VPS13C: variants seen among roughly 807,000 people sequenced by gnomAD.
VPS13C encodes the protein vacuolar protein sorting 13 homolog C.
VPS13C carries 358 observed loss-of-function variants against 456.8 expected under a neutral mutation model. The observed-to-expected ratio is 0.78, with a 90% confidence interval of 0.72 to 0.86. VPS13C has a LOEUF of 0.86. Among genes scored for constraint, VPS13C ranks in the 40% least tolerant of loss-of-function variants. The pLI is 0.00. For synonymous variants in VPS13C, 1,578 were observed against 1,486.7 expected, an observed-to-expected ratio of 1.06 and a Z score of -1.41; for missense variants, 4,818 against 4,385.4, an observed-to-expected ratio of 1.10 and a Z score of -2.79.
At position 61,914,632 on chromosome 15, in the gene VPS13C, C is replaced by G. The variant is rs1385848353; in HGVS notation, c.8445+1001G>C. ...TGGAGTGCAATGGTGCAGTGCAGAG[C>G]TGACTGCAACCTCTGCCTCCCGGGT... On this transcript the variant is annotated intron_variant, in intron 61 of 84. Transcript: ENST00000644861. 4.0e-5 allele frequency among the ~76,000 whole-genome samples: 6 copies of G among 151,408 alleles called. 1 individual carries two copies. The highest frequency in any genetic ancestry group is 2.0e-4 in the Admixed American group (3 of 15,242).
chr15:61,878,614 T>G lies in VPS13C; in HGVS notation c.10135A>C (p.Ile3379Leu). The change falls in exon 74 of 85, where the codon ATA becomes CTA. Residue 3379 changes from isoleucine (I) to leucine (L), a missense_variant. Coordinates refer to ENST00000644861, the MANE Select transcript of VPS13C (RefSeq NM_020821.3). ...GATLTDVDDLIFKLAYYEIRY... is the reference protein window; with the variant it reads ...GATLTDVDDLLFKLAYYEIRY... ...CTCTAACAGAAGTCTTACTTGAATA[T>G]AAGGTCATCCACATCAGTCAGAGTA... 6.2e-7 allele frequency: 1 copy of G among 1,608,308 alleles called. No homozygotes were observed.
At chr15:61,900,216 C>T (rs1422857696) in intron 66 of VPS13C, among the ~76,000 whole-genome samples, 1 of 152,072 alleles carries the variant, frequency 6.6e-6, no homozygotes, top group African/African-American at 2.4e-5. Context: ...ACAGGGATGC[C>T]CTCTCTCACC....
chr15:61,977,740 G>A (rs2045746941), intron 23 of VPS13C, among the ~76,000 whole-genome samples: 1 of 151,892 alleles, frequency 6.6e-6, no homozygotes, highest in Admixed American at 6.6e-5. Context: ...AACTAATAGA[G>A]TTCTATGTTT....
Position 61,962,216 on chromosome 15 carries a change from T to G in VPS13C, c.3603+155A>C. Among the ~76,000 whole-genome samples the G allele has an allele frequency of 1.3e-5, 2 of 152,292 alleles. 1 individual carries two copies. Among genetic ancestry groups the G allele is most frequent in the South Asian group, 4.1e-4 (2 of 4,830 alleles). On this transcript the variant is annotated intron_variant, in intron 34 of 84. Transcript: ENST00000644861. ...ATCATTAAATGATTCACTTTTCAACTGTTAAATAGGGGTTTTGATCTCTAC... is the reference window on the plus strand; with the variant it reads ...ATCATTAAATGATTCACTTTTCAACGGTTAAATAGGGGTTTTGATCTCTAC...
In VPS13C at chr15:61,941,998, C is replaced by T. The variant is rs2044443110; in HGVS notation, c.5218G>A (p.Ala1740Thr). 6.2e-7 allele frequency: 1 copy of T among 1,614,014 alleles called. No individual in the cohort carries two copies. Among genetic ancestry groups the T allele is most frequent in the Non-Finnish European group, 8.5e-7 (1 of 1,179,918 alleles). Residue 1740 changes from alanine to threonine, a missense_variant, in exon 46 of 85, where the codon GCT becomes ACT. Coordinates refer to ENST00000644861, the MANE Select transcript of VPS13C (RefSeq NM_020821.3). ...STATVQAAER[A>T]ASSMKDLAQK... The stretch of plus-strand genomic sequence containing the variant: ...GCCAAGTCTTTCATGCTGGAAGCAG[C>T]TCTTTCTGCAGCCTGGACTGTGGCT...
At chr15:61,903,147 G>A (rs747620972) in intron 66 of VPS13C, among the ~76,000 whole-genome samples, 13 of 151,886 alleles carry the variant, frequency 8.6e-5, no homozygotes, top group South Asian at 4.2e-4. Flanking sequence ...GCAACATGGC[G>A]AAACTCCGTC....
intron 33 of VPS13C, 37 bp from the exon 34 acceptor site, chr15:61,962,575 A>G: frequency 6.5e-7 from 1 of 1,542,010 alleles, no homozygotes. Context: ...CTATCCGGGA[A>G]GGTAATGACA....
chr15:61,855,008 T>C, intron 83 of VPS13C, 54 bp from the exon 84 acceptor site: 1 of 1,472,538 alleles, frequency 6.8e-7, no homozygotes, highest in East Asian at 2.3e-5. Context: ...AAGAAAAAAA[T>C]TCCTAACTTT....
At chr15:62,051,812 A>G (rs10468027) in intron 1 of VPS13C, among the ~76,000 whole-genome samples, 83,538 of 152,082 alleles carry the variant, frequency 0.55, 23,254 homozygotes, top group Admixed American at 0.63. Context: ...TGCCACAGGG[A>G]AAAACAGATG....
At chr15:61,950,147 C>T (rs759351351) in intron 41 of VPS13C, among the ~76,000 whole-genome samples, 3 of 152,114 alleles carry the variant, frequency 2.0e-5, no homozygotes, top group Admixed American at 6.5e-5. Flanking sequence ...TAAGTCAAAA[C>T]TGGGAAACAA....
rs1377482543 is a variant in VPS13C, at chr15:61,966,199, CTTAT to C, written c.2992-61_2992-58del. The C allele has an allele frequency of 5.0e-6, 6 of 1,190,130 alleles. No individual in the cohort carries two copies. The African/African-American group carries it at 7.7e-5, about 15-fold the overall frequency. 73.7% of individuals were successfully genotyped at this position (1,190,130 alleles called of 1,614,324 possible). A position where few individuals can be genotyped will look rare whatever the true frequency, so the allele number is the denominator to read the frequency against. On this transcript the variant is annotated intron_variant, in intron 29 of 84. Coordinates refer to ENST00000644861, the MANE Select transcript of VPS13C (RefSeq NM_020821.3). ...TACTAGGATCGAAGTAAATAAATCACTTATTTATTATCTCTGGTTAATTTATTTA... is the reference window on the plus strand; with the variant it reads ...TACTAGGATCGAAGTAAATAAATCACTTATTATCTCTGGTTAATTTATTTA...
At chr15:61,952,892 T>TC (rs1367835201) in intron 38 of VPS13C, among the ~76,000 whole-genome samples, 1 of 151,148 alleles carries the variant, frequency 6.6e-6, no homozygotes, top group African/African-American at 2.4e-5. Flanking sequence ...AAAAAAAAAA[T>TC]CTTTTTTTTT....
chr15:61,946,428 T>C lies in VPS13C; in HGVS notation c.4877-18A>G. Reference sequence around the variant, plus strand: ...ATCCATTCCTATAGGAAACATAACATTTATAAACTTTTCACCCAATCCACA... The same window carrying C: ...ATCCATTCCTATAGGAAACATAACACTTATAAACTTTTCACCCAATCCACA... On this transcript the variant is annotated intron_variant, in intron 43 of 84. Coordinates refer to ENST00000644861, the MANE Select transcript of VPS13C (RefSeq NM_020821.3). 6.4e-7 allele frequency: 1 copy of C among 1,566,888 alleles called. No individual in the cohort carries two copies. The highest frequency in any genetic ancestry group is 8.6e-7 in the Non-Finnish European group (1 of 1,156,654).
rs752218954 is a variant in VPS13C, at chr15:61,981,351, AC to A, written c.2156del (p.Gly719ValfsTer23). 1 of 1,609,352 alleles carries A rather than the reference AC, an allele frequency of 6.2e-7. No individual in the cohort carries two copies. Among genetic ancestry groups the A allele is most frequent in the South Asian group, 1.1e-5 (1 of 90,050 alleles). On this transcript the variant is annotated frameshift_variant, in exon 22 of 85. Coordinates refer to ENST00000644861, the MANE Select transcript of VPS13C (RefSeq NM_020821.3). LOFTEE classifies it high-confidence loss of function. ...ACGCATATATACCTACCTGAAATGT[AC>A]CAAAATCTAAAATCAGAAGATCTGA... ...EKSDLLILDF[G>X]TFQLNSKDQG...
At position 61,874,185 on chromosome 15, in the gene VPS13C, G is replaced by C. The variant is rs187504427; in HGVS notation, c.10414+691C>G. Among the ~76,000 whole-genome samples the C allele has an allele frequency of 1.9e-3, 286 of 152,138 alleles. 4 individuals are homozygous for C. Among genetic ancestry groups the C allele is most frequent in the Admixed American group, 0.016 (249 of 15,246 alleles). On this transcript the variant is annotated intron_variant, in intron 77 of 84. Transcript: ENST00000644861. ...GGTTATTAAAGGCTGAGATGGGTAG[G>C]GGGAGGAGAGGATAGGGAGAGATTG...
chr15:61,990,576 C>T (rs928236969), intron 18 of VPS13C, among the ~76,000 whole-genome samples: 4 of 152,018 alleles, frequency 2.6e-5, no homozygotes, highest in East Asian at 1.9e-4. Flanking sequence ...TTTGGGAGGC[C>T]GAGGAAGGCA....
At chr15:61,920,432 A>G (rs2043616688) in intron 56 of VPS13C, 66 bp downstream of exon 56, 7 of 1,488,252 alleles carry the variant, frequency 4.7e-6, no homozygotes, top group Non-Finnish European at 6.3e-6. Context: ...AATTTTGATG[A>G]CAAAAAAATT....
intron 77 of VPS13C, among the ~76,000 whole-genome samples, chr15:61,873,929 T>A (rs989059539): frequency 3.3e-5 from 5 of 151,178 alleles, no homozygotes; most frequent in Admixed American, 6.6e-5. Context: ...TAAGTGTCTA[T>A]CAACGGATGA....
At chr15:61,873,643 G>A (rs981649359) in intron 77 of VPS13C, among the ~76,000 whole-genome samples, 1 of 151,940 alleles carries the variant, frequency 6.6e-6, no homozygotes, top group African/African-American at 2.4e-5. Context: ...AGTTAGAATA[G>A]TTATTATAAA....
Sources: gnomAD v4.1 joint callset for allele counts (sites outside exome capture counted in the v4.1 genomes callset) on GRCh38, gnomAD v4.1.1 for gene constraint, MANE v1.5 for transcripts, NCBI Gene and HGNC (gene_info 2026-07-23, HGNC 2026-07-21) for gene names.